The following KCNK2 variants were observed in gnomAD, a reference collection of about 807,000 sequenced individuals.
The protein encoded by KCNK2 is potassium two pore domain channel subfamily K member 2.
KCNK2 carries 21 observed loss-of-function variants against 40.5 expected under a neutral mutation model. The observed-to-expected ratio is 0.52, with a 90% CI of 0.37 to 0.75. KCNK2 has a LOEUF of 0.75. KCNK2 is among the 30% of genes least tolerant of loss of function. The probability of loss-of-function intolerance (pLI) is 0.00; values close to 1 mark genes in which losing one functional copy is unlikely to be tolerated. For missense variants in KCNK2, 399 were observed against 531.6 expected, an observed-to-expected ratio of 0.75 and a Z score of 2.45; for synonymous variants, 191 against 202.2, an observed-to-expected ratio of 0.94 and a Z score of 0.47.
chr1:215,216,365 GATAATAT>G (rs1181808680), intron 6 of KCNK2, among the ~76,000 whole-genome samples: 32 of 147,668 alleles, frequency 2.2e-4, no homozygotes, highest in Non-Finnish European at 6.0e-5. Context: ...TTGTATATTA[GATAATAT>G]ATAATATATA....
upstream of KCNK2, among the ~76,000 whole-genome samples, chr1:215,079,076 G>C (rs1659052038): frequency 6.6e-6 from 1 of 152,138 alleles, no homozygotes. Context: ...CCAGAATAAG[G>C]GCAGTATGGA....
intron 1 of KCNK2, among the ~76,000 whole-genome samples, chr1:215,074,172 T>C (rs903978144): frequency 2.0e-5 from 3 of 152,194 alleles, no homozygotes; most frequent in Non-Finnish European, 2.9e-5. Flanking sequence ...CTTTCTTGTA[T>C]GTTTAAGGGT....
intron 1 of KCNK2, among the ~76,000 whole-genome samples, chr1:215,085,702 T>G (rs1483673558): frequency 1.3e-5 from 2 of 152,198 alleles, no homozygotes; most frequent in Admixed American, 1.3e-4. Flanking sequence ...TGTCCAAGAT[T>G]GAAAAACAAA....
intron 3 of KCNK2, 38 bp downstream of exon 3, chr1:215,124,788 C>A (rs746022050): frequency 1.7e-6 from 2 of 1,161,612 alleles, no homozygotes; most frequent in South Asian, 1.2e-5. Flanking sequence ...GTTTTGATAC[C>A]GTTTGTGAGC....
intron 3 of KCNK2, among the ~76,000 whole-genome samples, chr1:215,127,174 G>C (rs1385126029): frequency 6.6e-6 from 1 of 152,112 alleles, no homozygotes; most frequent in Non-Finnish European, 1.5e-5. Flanking sequence ...ATAAATTGCA[G>C]TGGCTTTTAT....
At chr1:215,088,573 AG>A (rs1375127329) in intron 2 of KCNK2, among the ~76,000 whole-genome samples, 1 of 138,706 alleles carries the variant, frequency 7.2e-6, no homozygotes, top group African/African-American at 3.1e-5. Context: ...TGGACAGGAC[AG>A]GAAAAAAAAA....
At chr1:215,139,158 C>A (rs774039908) in intron 3 of KCNK2, among the ~76,000 whole-genome samples, 1 of 152,118 alleles carries the variant, frequency 6.6e-6, no homozygotes, top group African/African-American at 2.4e-5. Context: ...AAGTCTTCCT[C>A]CTGCAGCTGA....
Position 215,088,399 on chromosome 1 carries a change from G to A in KCNK2, c.357+1721G>A, listed in dbSNP as rs540737191. ...ATGAGGAAAGAGTATCTATCAAGTA[G>A]GGTTGTTGTGAGGTAAAGAGATAAT... On this transcript the variant is annotated intron_variant, in intron 2 of 6. Coordinates refer to ENST00000444842, the MANE Select transcript of KCNK2 (RefSeq NM_001017425.3). 3.9e-5 allele frequency among the ~76,000 whole-genome samples: 6 copies of A among 152,194 alleles called. No individual in the cohort carries two copies. In the South Asian group the frequency reaches 6.2e-4, roughly 16 times the overall value.
At chr1:215,163,125 C>T (rs1176601404) in intron 3 of KCNK2, among the ~76,000 whole-genome samples, 1 of 152,016 alleles carries the variant, frequency 6.6e-6, no homozygotes, top group Non-Finnish European at 1.5e-5. Flanking sequence ...TTGTAGTTCT[C>T]CTTGAAGAGG....
In KCNK2 at chr1:215,172,937, T is replaced by C. The variant is rs1663782844; in HGVS notation, c.823+754T>C. On this transcript the variant is annotated intron_variant, in intron 5 of 6. Transcript: ENST00000444842. The stretch of plus-strand genomic sequence containing the variant: ...TGCTGGGATTACAGGCACAAGCCAC[T>C]ACGCCCGGCCTAAGAATCTTATTAC... Among the ~76,000 whole-genome samples, 2 of 152,090 alleles carry C rather than the reference T, an allele frequency of 1.3e-5. 1 individual carries two copies. The highest frequency in any genetic ancestry group is 1.3e-4 in the Admixed American group (2 of 15,254).
At chr1:215,108,425 G>A (rs909521197) in intron 2 of KCNK2, among the ~76,000 whole-genome samples, 1 of 152,148 alleles carries the variant, frequency 6.6e-6, no homozygotes, top group African/African-American at 2.4e-5. Context: ...AGAGACAATT[G>A]TATATGGTTT....
intron 3 of KCNK2, among the ~76,000 whole-genome samples, chr1:215,137,692 A>G (rs1370031719): frequency 6.6e-6 from 1 of 152,240 alleles, no homozygotes; most frequent in African/African-American, 2.4e-5. Flanking sequence ...ACTTTCTAAT[A>G]GATGAATGAT....
At chr1:215,130,388 A>G (rs1385114110) in intron 3 of KCNK2, among the ~76,000 whole-genome samples, 1 of 152,168 alleles carries the variant, frequency 6.6e-6, no homozygotes, top group East Asian at 1.9e-4. Context: ...TTCCTAAATT[A>G]TATCCTTTAT....
intron 2 of KCNK2, among the ~76,000 whole-genome samples, chr1:215,117,461 T>C (rs1034042207): frequency 6.6e-6 from 1 of 152,156 alleles, no homozygotes; most frequent in African/African-American, 2.4e-5. Context: ...TAACAATGTT[T>C]TTCCTGTTCA....
chr1:215,157,771 T>C (rs558371041), intron 3 of KCNK2, among the ~76,000 whole-genome samples: 7 of 152,342 alleles, frequency 4.6e-5, no homozygotes, highest in Non-Finnish European at 1.0e-4. Context: ...CTACCGCTTA[T>C]AGTCAATGGA....
At chr1:215,232,509 G>A (rs1666709405) in intron 6 of KCNK2, among the ~76,000 whole-genome samples, 1 of 152,160 alleles carries the variant, frequency 6.6e-6, no homozygotes, top group Admixed American at 6.6e-5. Flanking sequence ...TACAGAGTAT[G>A]TGTATTTCCA....
chr1:215,009,828 TG>T (rs1656314421), intron 1 of KCNK2, among the ~76,000 whole-genome samples: 2 of 152,314 alleles, frequency 1.3e-5, no homozygotes, highest in South Asian at 4.1e-4. Context: ...TGGAATTCTC[TG>T]TCTTCTCTAC....
chr1:215,142,397 T>A (rs1322919624), intron 3 of KCNK2, among the ~76,000 whole-genome samples: 1 of 152,090 alleles, frequency 6.6e-6, no homozygotes, highest in African/African-American at 2.4e-5. Flanking sequence ...AAGTATTATA[T>A]TAAAATAGAC....
At chr1:215,142,690 G>A (rs577535617) in intron 3 of KCNK2, among the ~76,000 whole-genome samples, 2 of 152,262 alleles carry the variant, frequency 1.3e-5, no homozygotes, top group South Asian at 4.1e-4. Flanking sequence ...CATAGTTATA[G>A]TTGGTTGCCA....
Sources: allele counts gnomAD v4.1 joint callset (sites outside exome capture counted in the v4.1 genomes callset), GRCh38; gene constraint gnomAD v4.1.1; transcripts MANE v1.5; gene names NCBI Gene and HGNC (gene_info 2026-07-23, HGNC 2026-07-21).